ARID2: variants seen among roughly 807,000 people sequenced by gnomAD.
ARID2 encodes the protein AT-rich interactive domain-containing protein 2.
In ARID2, 32 loss-of-function variants were observed where a neutral mutation model predicts 184.6. That is an observed-to-expected ratio of 0.17 (90% confidence interval 0.13 to 0.23). The LOEUF (loss-of-function observed/expected upper bound fraction) is 0.23, where lower values mean the gene tolerates loss of function less well. Ranked by LOEUF, ARID2 falls within the 10% of genes least tolerant of loss-of-function variation. The pLI, the probability that ARID2 is intolerant of heterozygous loss-of-function variation, is 1.00. For synonymous variants in ARID2, 836 were observed against 772.6 expected (o/e 1.08, Z -1.36); for missense variants, 1,696 against 2,197.6 (o/e 0.77, Z 4.56).
rs547339230 is a variant in ARID2 at position 45,841,281 on chromosome 12, A to G, written c.1498+1785A>G. 3.9e-5 allele frequency: 6 copies of G among 152,312 alleles called. No individual in the cohort carries two copies. The East Asian group carries it at 1.2e-3, about 29-fold the overall frequency. 9.4% of individuals were successfully genotyped at this position (152,312 alleles called of 1,614,324 possible). A position where few individuals can be genotyped will look rare whatever the true frequency, so the allele number is the denominator to read the frequency against. On this transcript the variant is annotated intron_variant, in intron 11 of 20. Transcript: ENST00000334344. ...CCTCAGCAAATGAACCTACTTCTCA[A>G]TCTAAAATTTGGTCCTCATTTGGCA...
intron 18 of ARID2, among the ~76,000 whole-genome samples, chr12:45,892,338 A>G (rs894226276): frequency 6.6e-6 from 1 of 152,184 alleles, no homozygotes; most frequent in Non-Finnish European, 1.5e-5. Context: ...TCTGTTTTGT[A>G]GACTAGTCAG....
rs2138181920 is a variant in ARID2 at position 45,852,855 on chromosome 12, C to A, written c.4732C>A (p.Gln1578Lys). The change falls in exon 15 of 21, where the codon CAA becomes AAA. Residue 1578 changes from glutamine to lysine, a missense_variant. Around this residue, in one of 11 missense-constraint regions of ARID2, gnomAD observed 111 missense variants for 154.0 expected, o/e 0.72. Coordinates refer to ENST00000334344, the MANE Select transcript of ARID2 (RefSeq NM_152641.4). ...VAIESAVQQK[Q>K]QHPPTYVQNV... Reference sequence around the variant, plus strand: ...AATAGAAAGTGCTGTTCAGCAAAAGCAACAGCATCCACCAACATATGTACA... The same window carrying A: ...AATAGAAAGTGCTGTTCAGCAAAAGAAACAGCATCCACCAACATATGTACA... The A allele has an allele frequency of 6.2e-7, 1 of 1,610,338 alleles. No individual in the cohort carries two copies. Among genetic ancestry groups the A allele is most frequent in the Non-Finnish European group, 8.5e-7 (1 of 1,177,796 alleles).
rs141093421 is a variant in ARID2, at chr12:45,800,070, G to A, written c.285-11348G>A. ...CTCACTATGTTGGCCAGGCAGTCTC[G>A]AACTCCTGGGATCATGCAGTTCACC... On this transcript the variant is annotated intron_variant, in intron 3 of 20. Transcript: ENST00000334344. Among the ~76,000 whole-genome samples, 7 of 152,118 alleles carry A rather than the reference G, an allele frequency of 4.6e-5. No homozygotes were observed. The East Asian group carries it at 9.7e-4, about 21-fold the overall frequency.
chr12:45,858,122 T>C (rs1170652696), intron 15 of ARID2, among the ~76,000 whole-genome samples: 2 of 152,246 alleles, frequency 1.3e-5, no homozygotes, highest in African/African-American at 4.8e-5. Flanking sequence ...TTACAAGGTT[T>C]TGAAAGTGTC....
chr12:45,772,672 T>TA (rs1476423003), intron 3 of ARID2, among the ~76,000 whole-genome samples: 1 of 152,110 alleles, frequency 6.6e-6, no homozygotes, highest in Admixed American at 6.5e-5. Flanking sequence ...TTTATATTCA[T>TA]AAAAAAATTG....
chr12:45,769,144 G>C (rs1941823978), intron 3 of ARID2, among the ~76,000 whole-genome samples: 1 of 152,094 alleles, frequency 6.6e-6, no homozygotes, highest in Non-Finnish European at 1.5e-5. Flanking sequence ...AAAATTGTGA[G>C]ATATGTAAAG....
At chr12:45,893,810 T>G (rs1944334771) in intron 20 of ARID2, 89 bp downstream of exon 20, 3 of 1,148,126 alleles carry the variant, frequency 2.6e-6, no homozygotes, top group South Asian at 3.9e-5. Flanking sequence ...TGTATTTTCT[T>G]CATTGTTTTT....
chr12:45,735,524 G>A (rs377335666), intron 3 of ARID2, among the ~76,000 whole-genome samples: 3 of 150,554 alleles, frequency 2.0e-5, no homozygotes, highest in East Asian at 2.0e-4. Context: ...GTATCCTCCC[G>A]CCTCAGCCTT....
At chr12:45,886,232 A>G (rs1260815231) in intron 16 of ARID2, among the ~76,000 whole-genome samples, 1 of 152,198 alleles carries the variant, frequency 6.6e-6, no homozygotes, top group Non-Finnish European at 1.5e-5. Context: ...ATCCAAATCC[A>G]TAATCCAATA....
intron 3 of ARID2, among the ~76,000 whole-genome samples, chr12:45,757,695 G>T (rs984160567): frequency 3.9e-5 from 6 of 152,124 alleles, no homozygotes; most frequent in African/African-American, 1.4e-4. Context: ...GAGAGGAGTC[G>T]TTTAAAAAAG....
At chr12:45,767,108 T>TA in intron 3 of ARID2, among the ~76,000 whole-genome samples, 1 of 152,338 alleles carries the variant, frequency 6.6e-6, no homozygotes, top group South Asian at 2.1e-4. Flanking sequence ...AGTGATATCT[T>TA]ACTGTGGCTA....
At chr12:45,739,816 C>T (rs1466500347) in intron 3 of ARID2, among the ~76,000 whole-genome samples, 1 of 152,098 alleles carries the variant, frequency 6.6e-6, no homozygotes, top group Non-Finnish European at 1.5e-5. Context: ...TGGGAACATT[C>T]TTCTATTACA....
At chr12:45,814,742 T>A (rs1942775221) in intron 4 of ARID2, among the ~76,000 whole-genome samples, 1 of 152,182 alleles carries the variant, frequency 6.6e-6, no homozygotes, top group Admixed American at 6.5e-5. Context: ...ATCTTAAAAT[T>A]TTATAAGCAT....
intron 3 of ARID2, among the ~76,000 whole-genome samples, chr12:45,754,408 T>G (rs1941524362): frequency 6.6e-6 from 1 of 152,364 alleles, no homozygotes; most frequent in East Asian, 1.9e-4. Context: ...GCTTGGTTAA[T>G]GAACAGTCAG....
chr12:45,854,334 C>T (rs541533934), intron 15 of ARID2, among the ~76,000 whole-genome samples: 24 of 152,252 alleles, frequency 1.6e-4, no homozygotes, highest in African/African-American at 5.3e-4. Flanking sequence ...AAAACCATCT[C>T]CTCACTCCCT....
intron 6 of ARID2, among the ~76,000 whole-genome samples, chr12:45,830,574 A>G (rs558615696): frequency 1.3e-5 from 2 of 152,138 alleles, no homozygotes; most frequent in African/African-American, 2.4e-5. Flanking sequence ...CCAGGGTCCT[A>G]TATTCTGTCC....
intron 3 of ARID2, among the ~76,000 whole-genome samples, chr12:45,809,305 A>G (rs529264125): frequency 1.2e-4 from 18 of 152,278 alleles, no homozygotes; most frequent in Admixed American, 2.6e-4. Flanking sequence ...TGTGTGACAT[A>G]TATTATCCTT....
rs576232582 is a variant in ARID2 at position 45,793,850 on chromosome 12, T to C, written c.285-17568T>C. The stretch of plus-strand genomic sequence containing the variant: ...TAAAAAAAAAAGTCATTTCTTTTTT[T>C]TAGGAAATATTTTTATTTTTTCTAT... On this transcript the variant is annotated intron_variant, in intron 3 of 20. Transcript: ENST00000334344. Among the ~76,000 whole-genome samples the C allele has an allele frequency of 7.9e-5, 12 of 152,238 alleles. No homozygotes were observed. In the South Asian group the frequency reaches 2.5e-3, roughly 32 times the overall value.
At chr12:45,821,189 A>G (rs1410155328) in intron 5 of ARID2, among the ~76,000 whole-genome samples, 1 of 152,100 alleles carries the variant, frequency 6.6e-6, no homozygotes, top group African/African-American at 2.4e-5. Context: ...TATAATTATT[A>G]TGAAAAAGAG....
Sources: gnomAD v4.1 joint callset for allele counts (sites outside exome capture counted in the v4.1 genomes callset) on GRCh38, gnomAD v4.1.1 for gene constraint, gnomAD v4.1.1 regional missense constraint, MANE v1.5 for transcripts, NCBI Gene and HGNC (gene_info 2026-07-23, HGNC 2026-07-21) for gene names.